The following GFM1 variants were observed in gnomAD, a reference collection of about 807,000 sequenced individuals.
GFM1 encodes the protein G elongation factor mitochondrial 1.
A neutral mutation model predicts 96.2 loss-of-function variants in GFM1; 62 were observed. The ratio of observed to expected loss-of-function variants is 0.64; its 90% CI spans 0.53 to 0.80. GFM1 has a LOEUF of 0.80. GFM1 is among the 30% of genes least tolerant of loss of function. GFM1 has a pLI of 0.00. For missense variants in GFM1, 852 were observed against 916.6 expected, an observed-to-expected ratio of 0.93 and a Z score of 0.91; for synonymous variants, 282 against 312.9, an observed-to-expected ratio of 0.90 and a Z score of 1.04.
intron 12 of GFM1, among the ~76,000 whole-genome samples, chr3:158,665,737 C>T (rs527843840): frequency 6.6e-6 from 1 of 152,264 alleles, no homozygotes; most frequent in African/African-American, 2.4e-5. Context: ...TCTGTCCATC[C>T]CCAGGTCATG....
chr3:158,648,723 C>T (rs1722050446), intron 4 of GFM1, among the ~76,000 whole-genome samples: 1 of 147,314 alleles, frequency 6.8e-6, no homozygotes, highest in Non-Finnish European at 1.5e-5. Context: ...AGCTATCCTA[C>T]TATTTAATTT....
At chr3:158,671,253 A>T (rs1318417135) in intron 13 of GFM1, among the ~76,000 whole-genome samples, 4 of 152,254 alleles carry the variant, frequency 2.6e-5, no homozygotes, top group Admixed American at 6.5e-5. Flanking sequence ...CAAATTGGGC[A>T]CAATTCACTT....
intron 13 of GFM1, 58 bp downstream of exon 13, chr3:158,666,444 A>C: frequency 7.3e-7 from 1 of 1,375,438 alleles, no homozygotes; most frequent in Non-Finnish European, 1.0e-6. Context: ...TTTATTTTGG[A>C]TATACATACC....
intron 13 of GFM1, among the ~76,000 whole-genome samples, chr3:158,673,189 A>AT (rs1343894640): frequency 6.6e-6 from 1 of 152,232 alleles, no homozygotes; most frequent in Non-Finnish European, 1.5e-5. Flanking sequence ...ATCAGGAGAA[A>AT]TAAAAAAATG....
rs1245712932 is a variant in GFM1, at chr3:158,684,521, CAG to C, written c.1765-2_1765-1del. ...TCCAGAAGTTGTGTTCATTCATTAACAGGGGTTTTTAGATGCCTGCGAGAAGG... is the reference window on the plus strand; with the variant it reads ...TCCAGAAGTTGTGTTCATTCATTAACGGGTTTTTAGATGCCTGCGAGAAGG... On this transcript the variant is annotated splice_acceptor_variant, in intron 14 of 17. Coordinates refer to ENST00000486715, the MANE Select transcript of GFM1 (RefSeq NM_024996.7). LOFTEE classifies it high-confidence loss of function. 48 of 1,613,974 alleles carry C rather than the reference CAG, an allele frequency of 3.0e-5. No homozygotes were observed. Among genetic ancestry groups the C allele is most frequent in the Non-Finnish European group, 3.8e-5 (45 of 1,179,904 alleles).
intron 13 of GFM1, among the ~76,000 whole-genome samples, chr3:158,672,166 C>G (rs1302024787): frequency 6.6e-6 from 1 of 152,156 alleles, no homozygotes; most frequent in Non-Finnish European, 1.5e-5. Context: ...TCTCCAGAGA[C>G]TGGAGTATAG....
chr3:158,668,411 T>C (rs1384078301), intron 13 of GFM1, among the ~76,000 whole-genome samples: 1 of 152,220 alleles, frequency 6.6e-6, no homozygotes. Context: ...GATTCTCGGT[T>C]GTTTGTATCC....
At chr3:158,644,744 G>A (rs780010700) in intron 1 of GFM1, 29 bp downstream of exon 1, 19 of 1,539,028 alleles carry the variant, frequency 1.2e-5, no homozygotes, top group Non-Finnish European at 1.6e-5. Flanking sequence ...GCTAAATCGG[G>A]ACCATTCCCG....
chr3:158,651,020 C>CAAAAAAAAA (rs772054819), intron 5 of GFM1: 1 of 49,430 alleles, frequency 2.0e-5, no homozygotes, highest in Non-Finnish European at 3.7e-5. Context: ...GACTCCGTCT[C>CAAAAAAAAA]AAAAAAAAAA....
intron 16 of GFM1, among the ~76,000 whole-genome samples, chr3:158,690,862 C>G (rs543537668): frequency 6.6e-6 from 1 of 152,108 alleles, no homozygotes; most frequent in African/African-American, 2.4e-5. Context: ...GGCTACAGAG[C>G]GGAGTGGGGA....
chr3:158,663,472 C>T (rs960152549), intron 11 of GFM1, among the ~76,000 whole-genome samples: 4 of 151,858 alleles, frequency 2.6e-5, no homozygotes, highest in Non-Finnish European at 4.4e-5. Flanking sequence ...TCACTAACAG[C>T]TGCTACTACT....
chr3:158,650,177 G>C, intron 5 of GFM1: 1 of 847,914 alleles, frequency 1.2e-6, no homozygotes, highest in Non-Finnish European at 1.9e-6. Flanking sequence ...CACTTTTTAT[G>C]TAACAACTGA....
intron 8 of GFM1, chr3:158,656,734 A>G (rs1321259901): frequency 6.6e-6 from 1 of 152,222 alleles, no homozygotes; most frequent in Non-Finnish European, 1.5e-5. Flanking sequence ...ATTTAATATC[A>G]GCGTGGACTC....
intron 15 of GFM1, among the ~76,000 whole-genome samples, chr3:158,686,409 ATG>A (rs1725851901): frequency 6.7e-6 from 1 of 148,840 alleles, no homozygotes; most frequent in African/African-American, 2.4e-5. Context: ...AAAAAATAAA[ATG>A]TGTATATATA....
At position 158,648,450 on chromosome 3, in the gene GFM1, G is replaced by A. The variant is rs976452766; in HGVS notation, c.573-591G>A. Among the ~76,000 whole-genome samples, 12 of 151,954 alleles carry A rather than the reference G, an allele frequency of 7.9e-5. No individual in the cohort carries two copies. In the East Asian group the frequency reaches 9.7e-4, roughly 12 times the overall value. On this transcript the variant is annotated intron_variant, in intron 4 of 17. Transcript: ENST00000486715. ...TCCCAGCACTTTGGGAGGCCGAGGCGGGTGGATCACCAGGTCAGGAGTTCA... is the reference window on the plus strand; with the variant it reads ...TCCCAGCACTTTGGGAGGCCGAGGCAGGTGGATCACCAGGTCAGGAGTTCA...
chr3:158,649,654 G>T (rs954034204), intron 5 of GFM1: 2 of 242,146 alleles, frequency 8.3e-6, no homozygotes, highest in Non-Finnish European at 1.6e-5. Context: ...TTTGGGAAAT[G>T]CAAGAAATAA....
rs1305206142 is a variant in GFM1 at position 158,692,140 on chromosome 3, C to T, written c.*673C>T. On this transcript the variant is annotated 3_prime_UTR_variant, in exon 18 of 18. Transcript: ENST00000486715. ...ATATTAAAATATTAGCCAAATTTCT[C>T]TCTGTTTTATATATGTCTGTTTATT... 2.0e-5 allele frequency: 3 copies of T among 152,260 alleles called. No individual in the cohort carries two copies. The highest frequency in any genetic ancestry group is 4.4e-5 in the Non-Finnish European group (3 of 68,166). 9.4% of individuals were successfully genotyped at this position (152,260 alleles called of 1,614,324 possible). A position where few individuals can be genotyped will look rare whatever the true frequency, so the allele number is the denominator to read the frequency against.
intron 13 of GFM1, chr3:158,666,861 A>T: frequency 7.0e-7 from 1 of 1,422,742 alleles, no homozygotes; most frequent in Non-Finnish European, 9.6e-7. Flanking sequence ...TACTTTTGTT[A>T]AATTGCTGCA....
At position 158,649,148 on chromosome 3, in the gene GFM1, GAGA is replaced by G; in HGVS notation, c.681_683del (p.Asp228del). 1 of 1,293,198 alleles carries G rather than the reference GAGA, an allele frequency of 7.7e-7. No individual in the cohort carries two copies. Among genetic ancestry groups the G allele is most frequent in the Non-Finnish European group, 1.1e-6 (1 of 888,820 alleles). 80.1% of individuals were successfully genotyped at this position (1,293,198 alleles called of 1,614,324 possible). On this transcript the variant is annotated inframe_deletion, in exon 5 of 18. Coordinates refer to ENST00000486715, the MANE Select transcript of GFM1 (RefSeq NM_024996.7). ...GAGGAACGAGCCATCTATTTTGATG[GAGA>G]CTTTGGGTAAGTGCTAAAAATACAT...
Sources: allele counts gnomAD v4.1 joint callset (sites outside exome capture counted in the v4.1 genomes callset), GRCh38; gene constraint gnomAD v4.1.1; transcripts MANE v1.5; gene names NCBI Gene and HGNC (gene_info 2026-07-23, HGNC 2026-07-21).